RBFOX1: variants seen among roughly 807,000 people sequenced by gnomAD.
RBFOX1 encodes RNA binding fox-1 homolog 1.
Under a neutral mutation model 57.7 loss-of-function variants are expected in RBFOX1, and 8 were observed. That is an observed-to-expected ratio of 0.14 (90% CI 0.08 to 0.25). The LOEUF (loss-of-function observed/expected upper bound fraction) is 0.25, where lower values mean the gene tolerates loss of function less well. Ranked by LOEUF, RBFOX1 falls within the 10% of genes least tolerant of loss-of-function variation. The pLI, the probability that RBFOX1 is intolerant of heterozygous loss-of-function variation, is 1.00. For synonymous variants in RBFOX1, 326 were observed against 222.4 expected, an observed-to-expected ratio of 1.47 and a Z score of -4.15; for missense variants, 611 against 548.5, an observed-to-expected ratio of 1.11 and a Z score of -1.14.
intron 2 of RBFOX1, among the ~76,000 whole-genome samples, chr16:6,486,710 T>A (rs920330182): frequency 6.6e-6 from 1 of 152,122 alleles, no homozygotes; most frequent in African/African-American, 2.4e-5. Flanking sequence ...CCAAAAACTT[T>A]GGAGTGTGTT....
chr16:5,837,862 C>G (rs192398330), intron 3 of RBFOX1, among the ~76,000 whole-genome samples: 20 of 152,208 alleles, frequency 1.3e-4, no homozygotes, highest in African/African-American at 4.8e-4. Context: ...AGTCTGTTCT[C>G]AATAAATCCT....
At chr16:6,643,932 C>G (rs1339835096) in intron 2 of RBFOX1, among the ~76,000 whole-genome samples, 1 of 152,070 alleles carries the variant, frequency 6.6e-6, no homozygotes, top group African/African-American at 2.4e-5. Context: ...TTGAGACCAG[C>G]CTGGCCAACA....
intron 4 of RBFOX1, among the ~76,000 whole-genome samples, chr16:7,098,219 G>C (rs1455310195): frequency 2.0e-5 from 3 of 152,120 alleles, no homozygotes; most frequent in Non-Finnish European, 4.4e-5. Context: ...ATCCAAGCTA[G>C]AGTGCAGTGG....
chr16:5,760,377 C>G (rs1028018476), intron 3 of RBFOX1, among the ~76,000 whole-genome samples: 1 of 151,912 alleles, frequency 6.6e-6, no homozygotes, highest in East Asian at 1.9e-4. Flanking sequence ...CACACACACA[C>G]GTATATACAT....
intron 1 of RBFOX1, among the ~76,000 whole-genome samples, chr16:6,229,807 C>G (rs1268908563): frequency 6.6e-6 from 1 of 151,578 alleles, no homozygotes; most frequent in Non-Finnish European, 1.5e-5. Context: ...ATATAGAATA[C>G]ATATATCTTA....
intron 2 of RBFOX1, among the ~76,000 whole-genome samples, chr16:6,652,882 T>C (rs2098608015): frequency 6.6e-6 from 1 of 152,230 alleles, no homozygotes; most frequent in Admixed American, 6.5e-5. Context: ...ACTGTGCACC[T>C]ACCATGGTAA....
At chr16:6,911,158 C>T (rs1041927379) in intron 3 of RBFOX1, among the ~76,000 whole-genome samples, 2 of 150,634 alleles carry the variant, frequency 1.3e-5, no homozygotes, top group Admixed American at 1.3e-4. Context: ...CCGATAATCG[C>T]ACCATTGCAC....
At chr16:5,763,199 G>T (rs1352743329) in intron 3 of RBFOX1, among the ~76,000 whole-genome samples, 1 of 152,132 alleles carries the variant, frequency 6.6e-6, no homozygotes, top group Admixed American at 6.5e-5. Context: ...TTCCTTCCCC[G>T]CTGTTGGCAC....
intron 4 of RBFOX1, among the ~76,000 whole-genome samples, chr16:7,112,882 A>C (rs1022507114): frequency 1.3e-5 from 2 of 152,104 alleles, no homozygotes; most frequent in Non-Finnish European, 1.5e-5. Flanking sequence ...TGACTGGGCT[A>C]TAATGCTACT....
chr16:7,530,696 G>A (rs559275641), intron 5 of RBFOX1, among the ~76,000 whole-genome samples: 1 of 152,254 alleles, frequency 6.6e-6, no homozygotes, highest in East Asian at 1.9e-4. Context: ...TGTGGAGCCT[G>A]CCAAATTGTC....
chr16:5,463,895 G>A (rs1335476459), intron 1 of RBFOX1, among the ~76,000 whole-genome samples: 1 of 151,904 alleles, frequency 6.6e-6, no homozygotes. Flanking sequence ...GGTCTATTTT[G>A]AACAAATTTG....
In RBFOX1 at chr16:7,518,354, G is replaced by A. The variant is rs764702003; in HGVS notation, c.235G>A (p.Asp79Asn). Residue 79 changes from aspartate to asparagine, a missense_variant, in exon 5 of 16, where the codon GAC becomes AAC. Asp to Asn is a conservative substitution (Grantham distance 23). Transcript: ENST00000550418. Reference protein sequence around the residue: ...AQTHSEQSPADTSAQTVSGTA... With the variant: ...AQTHSEQSPANTSAQTVSGTA... ...GACGCACTCCGAGCAGAGCCCGGCG[G>A]ACACGAGCGCTCAGACCGTCTCTGG... The A allele has an allele frequency of 1.2e-6, 2 of 1,613,348 alleles. No homozygotes were observed. Among genetic ancestry groups the A allele is most frequent in the Non-Finnish European group, 1.7e-6 (2 of 1,179,582 alleles).
intron 3 of RBFOX1, among the ~76,000 whole-genome samples, chr16:5,771,358 A>G (rs2053970253): frequency 6.6e-6 from 1 of 152,224 alleles, no homozygotes; most frequent in Non-Finnish European, 1.5e-5. Flanking sequence ...TAGTCAAACC[A>G]GTAGCCAGTA....
chr16:7,204,239 T>C (rs2089425563), intron 4 of RBFOX1, among the ~76,000 whole-genome samples: 1 of 152,198 alleles, frequency 6.6e-6, no homozygotes, highest in South Asian at 2.1e-4. Flanking sequence ...CTTGCCTCTA[T>C]CTCAGGCCCA....
intron 2 of RBFOX1, among the ~76,000 whole-genome samples, chr16:6,475,863 A>G (rs567111592): frequency 7.9e-5 from 12 of 152,316 alleles, no homozygotes; most frequent in African/African-American, 2.9e-4. Context: ...AGCAGAAAGG[A>G]TAATCTACGT....
chr16:5,312,979 C>G (rs906102467), intron 1 of RBFOX1, among the ~76,000 whole-genome samples: 1 of 152,140 alleles, frequency 6.6e-6, no homozygotes, highest in African/African-American at 2.4e-5. Flanking sequence ...TTTAATGATG[C>G]TTAGTGCCTT....
At chr16:7,365,418 T>A (rs1196308872) in intron 4 of RBFOX1, among the ~76,000 whole-genome samples, 1 of 152,192 alleles carries the variant, frequency 6.6e-6, no homozygotes, top group African/African-American at 2.4e-5. Flanking sequence ...AAGAACCTTG[T>A]TAGTTATTAA....
Position 7,004,304 on chromosome 16 carries a change from G to A in RBFOX1, c.-15-47753G>A, listed in dbSNP as rs573303897. ...TAATTAGATTAAATTAACTCCATTC[G>A]GATACCTAAGGTTATATTTGTGTAT... On this transcript the variant is annotated intron_variant, in intron 3 of 15. Coordinates refer to ENST00000550418, the MANE Select transcript of RBFOX1 (RefSeq NM_018723.4). Among the ~76,000 whole-genome samples the A allele has an allele frequency of 1.6e-4, 24 of 152,064 alleles. No individual in the cohort carries two copies. The South Asian group carries it at 4.4e-3, about 28-fold the overall frequency.
intron 4 of RBFOX1, among the ~76,000 whole-genome samples, chr16:5,987,159 A>G (rs917375224): frequency 2.6e-5 from 4 of 152,158 alleles, no homozygotes; most frequent in African/African-American, 9.7e-5. Context: ...CTCATTTACC[A>G]ACTGCATCTA....
Sources: gnomAD v4.1 joint callset for allele counts (sites outside exome capture counted in the v4.1 genomes callset) on GRCh38, gnomAD v4.1.1 for gene constraint, MANE v1.5 for transcripts, NCBI Gene and HGNC (gene_info 2026-07-23, HGNC 2026-07-21) for gene names.